The following RIMS2 variants were observed in gnomAD, a reference collection of about 807,000 sequenced individuals.
The protein encoded by RIMS2 is regulating synaptic membrane exocytosis 2.
RIMS2 carries 59 observed loss-of-function variants against 174.4 expected under a neutral mutation model. That is an observed-to-expected ratio of 0.34 (90% confidence interval 0.27 to 0.42). RIMS2 has a LOEUF of 0.42. Among genes scored for constraint, RIMS2 ranks in the 10% least tolerant of loss-of-function variants. RIMS2 has a pLI of 1.00. For synonymous variants in RIMS2, 606 were observed against 572.5 expected, an observed-to-expected ratio of 1.06 and a Z score of -0.84; for missense variants, 1,620 against 1,666.3, an observed-to-expected ratio of 0.97 and a Z score of 0.48.
At chr8:103,828,307 C>A (rs1002643468) in intron 3 of RIMS2, among the ~76,000 whole-genome samples, 4 of 152,116 alleles carry the variant, frequency 2.6e-5, no homozygotes, top group Admixed American at 2.6e-4. Flanking sequence ...ACCAGCAGAA[C>A]CATCCGGACT....
chr8:103,803,678 A>G (rs766323581), intron 3 of RIMS2, among the ~76,000 whole-genome samples: 1 of 152,154 alleles, frequency 6.6e-6, no homozygotes, highest in Non-Finnish European at 1.5e-5. Flanking sequence ...GTTATATCAC[A>G]TTGTATGAGA....
At chr8:103,756,436 CTTT>C (rs370592918) in intron 2 of RIMS2, among the ~76,000 whole-genome samples, 1 of 123,856 alleles carries the variant, frequency 8.1e-6, no homozygotes, top group Non-Finnish European at 1.7e-5. Context: ...TCTTTTCTTT[CTTT>C]TTTTTTTTCT....
intron 2 of RIMS2, among the ~76,000 whole-genome samples, chr8:103,737,689 C>A (rs184606287): frequency 3.9e-5 from 6 of 152,312 alleles, no homozygotes; most frequent in Admixed American, 3.9e-4. Context: ...TACCATTCTT[C>A]CCCTCAGGTA....
chr8:103,550,465 G>A (rs1847232929), intron 1 of RIMS2, among the ~76,000 whole-genome samples: 1 of 152,116 alleles, frequency 6.6e-6, no homozygotes, highest in South Asian at 2.1e-4. Flanking sequence ...AATCTATAGA[G>A]GGAAATTTAT....
intron 1 of RIMS2, among the ~76,000 whole-genome samples, chr8:103,527,877 A>G (rs1025631881): frequency 2.0e-5 from 3 of 152,208 alleles, no homozygotes; most frequent in Admixed American, 6.5e-5. Flanking sequence ...TTATAGCAGC[A>G]TGATTTATAA....
intron 1 of RIMS2, among the ~76,000 whole-genome samples, chr8:103,647,002 T>C (rs997354953): frequency 2.6e-5 from 4 of 152,092 alleles, no homozygotes; most frequent in African/African-American, 9.7e-5. Context: ...TTTTGAGGTA[T>C]GTTTTTTCCA....
intron 3 of RIMS2, among the ~76,000 whole-genome samples, chr8:103,824,956 A>G (rs75794327): frequency 2.2e-3 from 339 of 152,324 alleles, no homozygotes; most frequent in African/African-American, 7.8e-3. Flanking sequence ...TTGTAGCTTT[A>G]TGTTGGGTAG....
At chr8:103,912,059 G>C in exon 6 of RIMS2, 1 of 1,589,836 alleles carries the variant, frequency 6.3e-7, no homozygotes, top group South Asian at 1.2e-5. Flanking sequence ...TCAGCACCCT[G>C]TAACCTGGCA....
intron 3 of RIMS2, among the ~76,000 whole-genome samples, chr8:103,845,363 A>C (rs1342609897): frequency 6.6e-6 from 1 of 152,086 alleles, no homozygotes. Context: ...TGCCACCATT[A>C]ATTACTACTA....
At chr8:103,932,696 G>A (rs1005672132) in intron 12 of RIMS2, among the ~76,000 whole-genome samples, 13 of 152,174 alleles carry the variant, frequency 8.5e-5, no homozygotes, top group South Asian at 2.1e-4. Context: ...AATTTCTTTC[G>A]TGACTATTTT....
intron 4 of RIMS2, among the ~76,000 whole-genome samples, chr8:103,900,447 G>A (rs1014595457): frequency 6.7e-6 from 1 of 148,672 alleles, no homozygotes; most frequent in Non-Finnish European, 1.5e-5. Flanking sequence ...CATTATAGTA[G>A]TTCTTAATTC....
At chr8:104,102,596 A>T (rs4131889) in intron 19 of RIMS2, among the ~76,000 whole-genome samples, 7 of 152,062 alleles carry the variant, frequency 4.6e-5, no homozygotes, top group South Asian at 2.1e-4. Flanking sequence ...TAATTTATAA[A>T]GAAAAAGAGG....
At chr8:103,875,780 C>G (rs2099133376) in intron 3 of RIMS2, among the ~76,000 whole-genome samples, 1 of 151,882 alleles carries the variant, frequency 6.6e-6, no homozygotes, top group Non-Finnish European at 1.5e-5. Flanking sequence ...CTATTGTTTT[C>G]TGACTGTTTA....
chr8:103,923,742 C>G (rs114374368), intron 10 of RIMS2, among the ~76,000 whole-genome samples: 2,345 of 151,786 alleles, frequency 0.015, 63 homozygotes, highest in African/African-American at 0.051. Flanking sequence ...ACCCATACCC[C>G]ACCCACATAT....
intron 1 of RIMS2, among the ~76,000 whole-genome samples, chr8:103,511,262 T>A (rs2131093940): frequency 6.6e-6 from 1 of 152,280 alleles, no homozygotes; most frequent in South Asian, 2.1e-4. Context: ...AGTTAATAAT[T>A]GTATTTATTT....
At chr8:103,712,665 A>G (rs1177127801) in intron 2 of RIMS2, among the ~76,000 whole-genome samples, 1 of 152,202 alleles carries the variant, frequency 6.6e-6, no homozygotes, top group African/African-American at 2.4e-5. Flanking sequence ...TTTAAGATAT[A>G]AAAAATTCAT....
chr8:103,832,265 T>C (rs1488946689), intron 3 of RIMS2, among the ~76,000 whole-genome samples: 6 of 152,204 alleles, frequency 3.9e-5, no homozygotes, highest in Non-Finnish European at 8.8e-5. Flanking sequence ...TTCATTAACA[T>C]TTAATATAAT....
At chr8:103,609,128 A>G (rs1563996226) in intron 1 of RIMS2, among the ~76,000 whole-genome samples, 1 of 152,108 alleles carries the variant, frequency 6.6e-6, no homozygotes, top group Non-Finnish European at 1.5e-5. Context: ...ATTTTTTCAT[A>G]TGCTTGTTGG....
intron 3 of RIMS2, among the ~76,000 whole-genome samples, chr8:103,842,026 C>T (rs2098943053): frequency 1.3e-5 from 2 of 151,918 alleles, no homozygotes; most frequent in African/African-American, 2.4e-5. Context: ...TCAGCACTAA[C>T]ATTACTTCTA....
Sources: allele counts gnomAD v4.1 joint callset (sites outside exome capture counted in the v4.1 genomes callset), GRCh38; gene constraint gnomAD v4.1.1; transcripts MANE v1.5; gene names NCBI Gene and HGNC (gene_info 2026-07-23, HGNC 2026-07-21).